The following EML6 variants were observed in gnomAD, a reference collection of about 807,000 sequenced individuals.
The protein encoded by EML6 is EMAP like 6.
Under a neutral mutation model 240.1 loss-of-function variants are expected in EML6, and 154 were observed. The ratio of observed to expected loss-of-function variants is 0.64; its 90% CI spans 0.56 to 0.73. The LOEUF (loss-of-function observed/expected upper bound fraction) is 0.73, where lower values mean the gene tolerates loss of function less well. Ranked by LOEUF, EML6 falls within the 30% of genes least tolerant of loss-of-function variation. The pLI, the probability that EML6 is intolerant of heterozygous loss-of-function variation, is 0.00. For synonymous variants in EML6, 1,148 were observed against 899.0 expected, an observed-to-expected ratio of 1.28 and a Z score of -4.95; for missense variants, 2,964 against 2,474.6, an observed-to-expected ratio of 1.20 and a Z score of -4.20.
chr2:54,859,996 A>G (rs1670590642), intron 12 of EML6, among the ~76,000 whole-genome samples: 4 of 152,206 alleles, frequency 2.6e-5, no homozygotes, highest in Admixed American at 2.6e-4. Context: ...GACACCAAAT[A>G]CACATTGATT....
intron 2 of EML6, among the ~76,000 whole-genome samples, chr2:54,791,667 T>G (rs1271162787): frequency 4.6e-5 from 7 of 152,146 alleles, no homozygotes; most frequent in African/African-American, 1.7e-4. Flanking sequence ...GGGTAAACAC[T>G]ATAACTGTGA....
intron 35 of EML6, among the ~76,000 whole-genome samples, chr2:54,961,184 G>GTTGTTTTTTT: frequency 0.14 from 7,951 of 55,296 alleles, 3,192 homozygotes; most frequent in Non-Finnish European, 0.2. Context: ...TCAGGAAGTA[G>GTTGTTTTTTT]TTTTTTTTTT....
At position 54,820,745 on chromosome 2, in the gene EML6, G is replaced by T. The variant is rs140114131; in HGVS notation, c.525+283G>T. Among the ~76,000 whole-genome samples the T allele has an allele frequency of 2.7e-3, 415 of 152,218 alleles. 1 individual carries two copies. Among genetic ancestry groups the T allele is most frequent in the Middle Eastern group, 0.02 (6 of 294 alleles). On this transcript the variant is annotated intron_variant, in intron 5 of 41. Transcript: ENST00000356458. ...AACTGAAGACTCATAATACTTGTGG[G>T]ATTGCATGTTTTAAAACAGTGCTTA...
At chr2:54,939,214 T>C (rs1347935639) in intron 28 of EML6, among the ~76,000 whole-genome samples, 2 of 152,226 alleles carry the variant, frequency 1.3e-5, no homozygotes, top group African/African-American at 4.8e-5. Flanking sequence ...TTCTAAGCAG[T>C]TGGCCTCCCT....
intron 2 of EML6, among the ~76,000 whole-genome samples, chr2:54,746,650 C>T (rs1443648589): frequency 6.6e-6 from 1 of 152,136 alleles, no homozygotes; most frequent in Non-Finnish European, 1.5e-5. Flanking sequence ...TGAGTTATAG[C>T]ATCTTTTTTT....
chr2:54,960,786 C>T (rs1198358691), intron 35 of EML6, among the ~76,000 whole-genome samples: 1 of 152,154 alleles, frequency 6.6e-6, no homozygotes, highest in Non-Finnish European at 1.5e-5. Context: ...TGGTTTCCAA[C>T]TCATATTTGG....
intron 9 of EML6, among the ~76,000 whole-genome samples, chr2:54,849,589 C>T (rs191036099): frequency 2.0e-5 from 3 of 152,174 alleles, no homozygotes; most frequent in East Asian, 1.9e-4. Flanking sequence ...CCCAGGTTCA[C>T]GCCATTCTCC....
chr2:54,789,716 A>G (rs1669323571), intron 2 of EML6, among the ~76,000 whole-genome samples: 1 of 152,064 alleles, frequency 6.6e-6, no homozygotes, highest in African/African-American at 2.4e-5. Flanking sequence ...CATGATATCC[A>G]GAAGGGAGTT....
chr2:54,734,906 A>T (rs1192599334), intron 2 of EML6, among the ~76,000 whole-genome samples: 3 of 152,208 alleles, frequency 2.0e-5, no homozygotes, highest in Non-Finnish European at 4.4e-5. Flanking sequence ...TCAAACTCCC[A>T]CAAGATGTTC....
At chr2:54,823,457 A>C (rs1322948358) in intron 5 of EML6, among the ~76,000 whole-genome samples, 1 of 48,552 alleles carries the variant, frequency 2.1e-5, no homozygotes, top group Non-Finnish European at 4.5e-5. Context: ...CCTATTCCAT[A>C]GTTTTTTTTA....
chr2:54,785,300 C>T (rs558238503), intron 2 of EML6, among the ~76,000 whole-genome samples: 3 of 151,754 alleles, frequency 2.0e-5, no homozygotes, highest in African/African-American at 7.3e-5. Context: ...CTCAGCCTCT[C>T]GAGCAGCTGG....
intron 21 of EML6, among the ~76,000 whole-genome samples, chr2:54,898,553 T>C (rs140416189): frequency 3.3e-4 from 50 of 152,314 alleles, no homozygotes; most frequent in African/African-American, 1.2e-3. Flanking sequence ...CAGCCCTCAT[T>C]TTCTCATATT....
intron 2 of EML6, among the ~76,000 whole-genome samples, chr2:54,804,605 G>C (rs1418605123): frequency 6.6e-6 from 1 of 152,178 alleles, no homozygotes; most frequent in Non-Finnish European, 1.5e-5. Flanking sequence ...ATGCCTTCTT[G>C]TGTCAGTTAA....
intron 2 of EML6, among the ~76,000 whole-genome samples, chr2:54,760,019 G>A (rs1463537772): frequency 6.6e-6 from 1 of 151,584 alleles, no homozygotes; most frequent in South Asian, 2.1e-4. Flanking sequence ...TCCGATTCTG[G>A]GCCATTACTC....
At chr2:54,746,703 A>C (rs962956037) in intron 2 of EML6, among the ~76,000 whole-genome samples, 61 of 152,038 alleles carry the variant, frequency 4.0e-4, no homozygotes, top group Admixed American at 3.4e-3. Context: ...AAAACGATTG[A>C]TCTGTTTATA....
At chr2:54,753,754 C>T (rs973980782) in intron 2 of EML6, among the ~76,000 whole-genome samples, 3 of 150,746 alleles carry the variant, frequency 2.0e-5, no homozygotes, top group African/African-American at 7.3e-5. Context: ...CAGCCTCGAA[C>T]TCCAGGCCTC....
At chr2:54,964,214 G>A in intron 37 of EML6, 56 bp downstream of exon 37, 1 of 1,506,522 alleles carries the variant, frequency 6.6e-7, no homozygotes, top group South Asian at 1.3e-5. Context: ...CTGCTTACCA[G>A]TGGTTCCCAT....
At chr2:54,933,176 C>G (rs547242182) in intron 28 of EML6, among the ~76,000 whole-genome samples, 2 of 152,134 alleles carry the variant, frequency 1.3e-5, no homozygotes, top group Non-Finnish European at 2.9e-5. Context: ...CAAGTTCCCC[C>G]TACAAATGTC....
intron 16 of EML6, among the ~76,000 whole-genome samples, chr2:54,879,129 T>TG (rs1157003705): frequency 6.6e-6 from 1 of 152,196 alleles, no homozygotes; most frequent in African/African-American, 2.4e-5. Flanking sequence ...CAAAGCCAAG[T>TG]GGTACCTCAA....
Sources: gnomAD v4.1 joint callset for allele counts (sites outside exome capture counted in the v4.1 genomes callset) on GRCh38, gnomAD v4.1.1 for gene constraint, MANE v1.5 for transcripts, NCBI Gene and HGNC (gene_info 2026-07-23, HGNC 2026-07-21) for gene names.